Variants in FRS3 observed in about 807,000 individuals in gnomAD.
FRS3 encodes fibroblast growth factor receptor substrate 3.
A neutral mutation model predicts 41.9 loss-of-function variants in FRS3; 17 were observed. The ratio of observed to expected loss-of-function variants is 0.41; its 90% CI spans 0.28 to 0.61. FRS3 has a LOEUF of 0.61. Among genes scored for constraint, FRS3 ranks in the 20% least tolerant of loss-of-function variants. The probability of loss-of-function intolerance (pLI) is 0.36; values close to 1 mark genes in which losing one functional copy is unlikely to be tolerated. For synonymous variants in FRS3, 287 were observed against 274.5 expected, an observed-to-expected ratio of 1.05 and a Z score of -0.45; for missense variants, 619 against 672.1, an observed-to-expected ratio of 0.92 and a Z score of 0.87.
In FRS3 at chr6:41,771,329, G is replaced by T. The variant is rs1303580212; in HGVS notation, c.769C>A (p.Gln257Lys). ...TCATGCAGGCTGGGACAGAGGCCCT[G>T]GCACTTCACCATGTGCCGCCGAGCA... Reference protein sequence around the residue: ...TPARRHMVKCQGLCPSLHDPP... With the variant: ...TPARRHMVKCKGLCPSLHDPP... Residue 257 changes from glutamine (Q) to lysine (K), a missense_variant, in exon 7 of 7, where the codon CAG (glutamine) becomes AAG (lysine). By Grantham distance (53) the Gln-to-Lys change is moderately conservative (BLOSUM62 1). Coordinates refer to ENST00000373018, the MANE Select transcript of FRS3 (RefSeq NM_006653.5). The T allele has an allele frequency of 6.2e-7, 1 of 1,613,652 alleles. No individual in the cohort carries two copies. The highest frequency in any genetic ancestry group is 2.2e-5 in the East Asian group (1 of 44,870).
At chr6:41,772,751 T>TGTGTGTGTGG in intron 5 of FRS3, 47 bp downstream of exon 5, 1 of 1,279,182 alleles carries the variant, frequency 7.8e-7, no homozygotes, top group Non-Finnish European at 1.1e-6. Flanking sequence ...TGGGCGTGTG[T>TGTGTGTGTGG]GTGTGTGTGT....
chr6:41,779,126 G>A (rs971689202), intron 1 of FRS3, among the ~76,000 whole-genome samples: 1 of 152,056 alleles, frequency 6.6e-6, no homozygotes, highest in Non-Finnish European at 1.5e-5. Flanking sequence ...GGCACGGCGC[G>A]GGCACTGAAA....
rs1772256275 is a variant in FRS3 at position 41,770,461 on chromosome 6, C to G, written c.*158G>C. The G allele has an allele frequency of 1.5e-6, 1 of 673,122 alleles. No homozygotes were observed. Among genetic ancestry groups the G allele is most frequent in the Admixed American group, 2.7e-5 (1 of 36,882 alleles). 41.7% of individuals were successfully genotyped at this position (673,122 alleles called of 1,614,324 possible). On this transcript the variant is annotated 3_prime_UTR_variant, in exon 7 of 7. Coordinates refer to ENST00000373018, the MANE Select transcript of FRS3 (RefSeq NM_006653.5). ...GACCAGGAGACTCGGTGGCTGATAT[C>G]TCTGGGGACTCCAGCCAGCACAGGG...
chr6:41,779,009 C>G (rs976576047), intron 1 of FRS3, among the ~76,000 whole-genome samples: 2 of 152,130 alleles, frequency 1.3e-5, no homozygotes, highest in Non-Finnish European at 2.9e-5. Context: ...AGGACCCCAT[C>G]CCCTTGGTCT....
chr6:41,775,714 A>C, intron 3 of FRS3, 109 bp from the exon 4 acceptor site: 2 of 797,492 alleles, frequency 2.5e-6, no homozygotes, highest in Non-Finnish European at 4.2e-6. Context: ...GGGGAACCAA[A>C]GGTCACATCC....
rs775334175 is a variant in FRS3 at position 41,772,905 on chromosome 6, T to C, written c.308A>G (p.Asp103Gly). 6 of 1,613,514 alleles carry C rather than the reference T, an allele frequency of 3.7e-6. No individual in the cohort carries two copies. In the South Asian group the frequency reaches 6.6e-5, roughly 18 times the overall value. ...ATTGATGCTGTTGCACTGCATCAGA[T>C]CCTGAAGGAGGTTGAAGATTTCCTC... The part of the protein sequence containing the change: ...RAEEIFNLLQ[D>G]LMQCNSINVM... The change falls in exon 5 of 7, where the codon GAT (aspartate) becomes GGT (glycine). Residue 103 changes from aspartate to glycine, a missense_variant. Physicochemically the swap from Asp to Gly is moderately conservative, Grantham distance 94. Coordinates refer to ENST00000373018, the MANE Select transcript of FRS3 (RefSeq NM_006653.5).
intron 6 of FRS3, 137 bp downstream of exon 6, chr6:41,771,679 C>A (rs1772297771): frequency 1.7e-6 from 2 of 1,172,858 alleles, no homozygotes; most frequent in African/African-American, 1.5e-5. Flanking sequence ...GGAAGCTGCT[C>A]CCTTTTGGGG....
At chr6:41,779,560 G>A (rs749848486) in intron 1 of FRS3, among the ~76,000 whole-genome samples, 1 of 152,016 alleles carries the variant, frequency 6.6e-6, no homozygotes, top group Non-Finnish European at 1.5e-5. Context: ...GGAGAGGGTA[G>A]AGGTGGGTTG....
At position 41,777,408 on chromosome 6, in the gene FRS3, G is replaced by T. The variant is rs528263795; in HGVS notation, c.-23-398C>A. Reference sequence around the variant, plus strand: ...GGTGCCAGCCCGAGCCCCTTATTTGGATTCAGCAAAGAAATTGTCACTTGG... The same window carrying T: ...GGTGCCAGCCCGAGCCCCTTATTTGTATTCAGCAAAGAAATTGTCACTTGG... On this transcript the variant is annotated intron_variant, in intron 2 of 6. Coordinates refer to ENST00000373018, the MANE Select transcript of FRS3 (RefSeq NM_006653.5). 248 of 162,082 alleles carry T rather than the reference G, an allele frequency of 1.5e-3. 1 individual carries two copies. The highest frequency in any genetic ancestry group is 2.3e-3 in the Non-Finnish European group (173 of 73,930). 10.0% of individuals were successfully genotyped at this position (162,082 alleles called of 1,614,324 possible).
chr6:41,771,363 G>T lies in FRS3; in HGVS notation c.735C>A (p.Gly245=), dbSNP rs1348633827. 1 of 1,613,656 alleles carries T rather than the reference G, an allele frequency of 6.2e-7. No individual in the cohort carries two copies. The highest frequency in any genetic ancestry group is 1.7e-5 in the Admixed American group (1 of 59,956). The change falls in exon 7 of 7, where the codon GGC becomes GGA. Residue 245 remains glycine (G), a synonymous_variant. Transcript: ENST00000373018. The stretch of plus-strand genomic sequence containing the variant: ...CCATGTGCCGCCGAGCAGGGGTCGG[G>T]CCCAACACAAACTTCACCTGGCCTG... ...LQPGQVKFVL[G]PTPARRHMVK...
In FRS3 at chr6:41,779,896, T is replaced by TCCCCG. The variant is rs1039683831; in HGVS notation, c.-249_-248insCGGGG. On this transcript the variant is annotated 5_prime_UTR_variant, in exon 1 of 7. Coordinates refer to ENST00000373018, the MANE Select transcript of FRS3 (RefSeq NM_006653.5). ...CCGCCGCCCGCCCGGAGCTAAGGCC[T>TCCCCG]CCCCGCCCCGCCCCGCCCCGCGGCC... The TCCCCG allele has an allele frequency of 8.8e-4, 131 of 148,956 alleles. No individual in the cohort carries two copies. Among genetic ancestry groups the TCCCCG allele is most frequent in the African/African-American group, 1.5e-3 (60 of 40,684 alleles). The allele number at this position is 148,956 out of a possible 1,614,324, so 9.2% of individuals were successfully genotyped here.
chr6:41,770,558 A>C lies in FRS3; in HGVS notation c.*61T>G. Reference sequence around the variant, plus strand: ...CCTGGGGAGGGTGGGTTCAGAGGACAGGAGTGTGAGGCAGAGGCTGGATCA... The same window carrying C: ...CCTGGGGAGGGTGGGTTCAGAGGACCGGAGTGTGAGGCAGAGGCTGGATCA... On this transcript the variant is annotated 3_prime_UTR_variant, in exon 7 of 7. Coordinates refer to ENST00000373018, the MANE Select transcript of FRS3 (RefSeq NM_006653.5). 4 of 1,537,406 alleles carry C rather than the reference A, an allele frequency of 2.6e-6. No individual in the cohort carries two copies. In the South Asian group the frequency reaches 4.5e-5, roughly 17 times the overall value.
intron 1 of FRS3, among the ~76,000 whole-genome samples, chr6:41,778,569 A>T (rs528479842): frequency 2.5e-4 from 38 of 152,322 alleles, no homozygotes; most frequent in Non-Finnish European, 4.6e-4. Flanking sequence ...AGACTCAGGA[A>T]ACCAATATAT....
intron 4 of FRS3, 114 bp from the exon 5 acceptor site, chr6:41,773,073 C>A: frequency 1.3e-6 from 1 of 756,528 alleles, no homozygotes. Context: ...CCTGTAGGGG[C>A]AGGAGAGCCT....
At position 41,771,493 on chromosome 6, in the gene FRS3, T is replaced by C. The variant is rs780781377; in HGVS notation, c.605A>G (p.His202Arg). 1 of 1,569,382 alleles carries C rather than the reference T, an allele frequency of 6.4e-7. No individual in the cohort carries two copies. The highest frequency in any genetic ancestry group is 8.6e-7 in the Non-Finnish European group (1 of 1,158,726). Reference protein sequence around the residue: ...YVNTPASEDDHRRGRHCLQPL... With the variant: ...YVNTPASEDDRRRGRHCLQPL... Reference sequence around the variant, plus strand: ...CTGCAGGCAGTGGCGGCCCCTGCGGTGGTCATCTTCACTGGCCGGTGTGTT... The same window carrying C: ...CTGCAGGCAGTGGCGGCCCCTGCGGCGGTCATCTTCACTGGCCGGTGTGTT... The change falls in exon 7 of 7, where the codon CAC becomes CGC. Residue 202 changes from histidine (H) to arginine (R), a missense_variant. By Grantham distance (29) the His-to-Arg change is conservative (BLOSUM62 0). Transcript: ENST00000373018.
At chr6:41,774,543 C>G (rs1292662359) in intron 4 of FRS3, among the ~76,000 whole-genome samples, 1 of 152,214 alleles carries the variant, frequency 6.6e-6, no homozygotes, top group East Asian at 1.9e-4. Context: ...CTCCTCAATG[C>G]AGCCAGCCTC....
In FRS3 at chr6:41,771,916, C is replaced by T; in HGVS notation, c.464G>A (p.Gly155Asp). Residue 155 changes from glycine to aspartate, a missense_variant, in exon 6 of 7, where the codon GGC becomes GAC. Around this residue, in one of 3 missense-constraint regions of FRS3, gnomAD observed 487 missense variants for 478.3 expected, o/e 1.02. Transcript: ENST00000373018. Reference protein sequence around the residue: ...SSFSNGCPGEGPRFSAPRRLS... With the variant: ...SSFSNGCPGEDPRFSAPRRLS... ...CCGCCGGGGAGCTGAGAATCGTGGGCCCTCTCCAGGGCAGCCATTGGAAAA... is the reference window on the plus strand; with the variant it reads ...CCGCCGGGGAGCTGAGAATCGTGGGTCCTCTCCAGGGCAGCCATTGGAAAA... 6.4e-7 allele frequency: 1 copy of T among 1,559,226 alleles called. No individual in the cohort carries two copies. Among genetic ancestry groups the T allele is most frequent in the Non-Finnish European group, 8.7e-7 (1 of 1,151,394 alleles).
chr6:41,772,251 C>T (rs1340433023), intron 5 of FRS3, among the ~76,000 whole-genome samples: 4 of 152,326 alleles, frequency 2.6e-5, no homozygotes, highest in African/African-American at 9.6e-5. Context: ...ACTGGACCGT[C>T]CCTTTGCTTC....
chr6:41,776,634 AGG>A, intron 3 of FRS3: 1 of 326,002 alleles, frequency 3.1e-6, no homozygotes. Context: ...TAAAAAAAAA[AGG>A]GGGGGGGATA....
Sources: gnomAD v4.1 joint callset for allele counts (sites outside exome capture counted in the v4.1 genomes callset) on GRCh38, gnomAD v4.1.1 for gene constraint, gnomAD v4.1.1 regional missense constraint, MANE v1.5 for transcripts, NCBI Gene and HGNC (gene_info 2026-07-23, HGNC 2026-07-21) for gene names.